Variants in TMEM178B observed in about 807,000 individuals in gnomAD.
TMEM178B encodes the protein transmembrane protein 178B.
TMEM178B carries 5 observed loss-of-function variants against 31.0 expected under a neutral mutation model. The observed-to-expected ratio is 0.16, with a 90% CI of 0.08 to 0.34. The LOEUF is 0.34. Ranked by LOEUF, TMEM178B falls within the 10% of genes least tolerant of loss-of-function variation. The probability of loss-of-function intolerance (pLI) is 1.00; values close to 1 mark genes in which losing one functional copy is unlikely to be tolerated. For synonymous variants in TMEM178B, 164 were observed against 164.0 expected, an observed-to-expected ratio of 1.00 and a Z score of 0.00; for missense variants, 275 against 400.3, an observed-to-expected ratio of 0.69 and a Z score of 2.67.
rs188625925 is a variant in TMEM178B at position 141,457,176 on chromosome 7, G to A, written c.635-13360G>A. On this transcript the variant is annotated intron_variant, in intron 3 of 3. Transcript: ENST00000565468. ...GGATTGTTTTTTTAATGAAAGCAGT[G>A]GAAGCAAGTGGAATGGATGGTTCTC... Among the ~76,000 whole-genome samples the A allele has an allele frequency of 2.5e-4, 38 of 152,212 alleles. No individual in the cohort carries two copies. The South Asian group carries it at 3.7e-3, about 15-fold the overall frequency.
intron 2 of TMEM178B, among the ~76,000 whole-genome samples, chr7:141,334,142 T>C (rs1799343109): frequency 6.6e-6 from 1 of 152,256 alleles, no homozygotes; most frequent in Non-Finnish European, 1.5e-5. Flanking sequence ...AACCCTGGGA[T>C]AGAAACCAGT....
At chr7:141,335,317 C>T (rs1252473954) in intron 2 of TMEM178B, among the ~76,000 whole-genome samples, 1 of 152,226 alleles carries the variant, frequency 6.6e-6, no homozygotes, top group Non-Finnish European at 1.5e-5. Context: ...ACCCTCTTCT[C>T]CTGCCACCAG....
chr7:141,401,869 G>T (rs181554816), intron 2 of TMEM178B, among the ~76,000 whole-genome samples: 1 of 152,030 alleles, frequency 6.6e-6, no homozygotes, highest in Non-Finnish European at 1.5e-5. Context: ...AGCAAAAATC[G>T]AACCAACGTG....
chr7:141,376,920 A>C (rs1386695574), intron 2 of TMEM178B, among the ~76,000 whole-genome samples: 1 of 152,204 alleles, frequency 6.6e-6, no homozygotes, highest in Non-Finnish European at 1.5e-5. Context: ...AAAATGTACT[A>C]AAATGGAAAA....
intron 3 of TMEM178B, among the ~76,000 whole-genome samples, chr7:141,440,989 A>G (rs1398408737): frequency 2.6e-5 from 4 of 152,202 alleles, no homozygotes; most frequent in Non-Finnish European, 4.4e-5. Flanking sequence ...TGGTCCCTCG[A>G]AGTGTGGTCT....
intron 2 of TMEM178B, among the ~76,000 whole-genome samples, chr7:141,283,001 G>T (rs1352062341): frequency 6.6e-6 from 1 of 152,142 alleles, no homozygotes; most frequent in Non-Finnish European, 1.5e-5. Context: ...AAAAGTAATT[G>T]TACCAACCTA....
intron 1 of TMEM178B, among the ~76,000 whole-genome samples, chr7:141,139,357 T>A (rs1038407091): frequency 2.0e-5 from 3 of 151,552 alleles, no homozygotes; most frequent in Non-Finnish European, 4.4e-5. Context: ...CCATTCACTT[T>A]AAAAAATTTT....
Position 141,372,143 on chromosome 7 carries a change from C to G in TMEM178B, c.497-65465C>G, listed in dbSNP as rs191907527. On this transcript the variant is annotated intron_variant, in intron 2 of 3. Coordinates refer to ENST00000565468, the MANE Select transcript of TMEM178B (RefSeq NM_001195278.2). ...TCACTCTAGTCTGACTCTCACCACT[C>G]CCTCACAAAATCTACCCTTGGCCAA... Among the ~76,000 whole-genome samples the G allele has an allele frequency of 3.4e-3, 512 of 152,260 alleles. 6 individuals carry two copies. The highest frequency in any genetic ancestry group is 0.017 in the South Asian group (84 of 4,822).
At chr7:141,138,772 G>A (rs1452702426) in intron 1 of TMEM178B, among the ~76,000 whole-genome samples, 3 of 151,884 alleles carry the variant, frequency 2.0e-5, no homozygotes, top group African/African-American at 7.3e-5. Flanking sequence ...CACGAGGTCA[G>A]GAGACCGAGA....
chr7:141,101,692 C>T (rs1180783516), intron 1 of TMEM178B, among the ~76,000 whole-genome samples: 1 of 152,184 alleles, frequency 6.6e-6, no homozygotes, highest in Admixed American at 6.5e-5. Flanking sequence ...TATTGTGGTA[C>T]AGTCAACTCC....
At chr7:141,437,034 C>A (rs1801557653) in intron 2 of TMEM178B, among the ~76,000 whole-genome samples, 1 of 152,158 alleles carries the variant, frequency 6.6e-6, no homozygotes, top group Admixed American at 6.5e-5. Context: ...GTTGAAGGAA[C>A]AGAACACCAG....
chr7:141,490,855 T>A, the TMEM178B span, among the ~76,000 whole-genome samples: 5 of 152,138 alleles, frequency 3.3e-5, no homozygotes, highest in African/African-American at 1.2e-4. Flanking sequence ...TTTAATTCAC[T>A]CCTCACCATG....
At chr7:141,091,562 C>T (rs915235585) in intron 1 of TMEM178B, among the ~76,000 whole-genome samples, 3 of 152,024 alleles carry the variant, frequency 2.0e-5, no homozygotes, top group Non-Finnish European at 4.4e-5. Context: ...CAATAAGCTG[C>T]TAAAAAGGGA....
At chr7:141,259,330 T>A (rs940597256) in intron 2 of TMEM178B, among the ~76,000 whole-genome samples, 4 of 152,192 alleles carry the variant, frequency 2.6e-5, no homozygotes, top group African/African-American at 7.2e-5. Context: ...ATTTGATGAG[T>A]CATTGTCATA....
Position 141,461,725 on chromosome 7 carries a change from A to G in TMEM178B, c.635-8811A>G, listed in dbSNP as rs1416288363. The stretch of plus-strand genomic sequence containing the variant: ...CTAGCCTCCCCTTTCTGTGTAGGCT[A>G]ATCCAGCAACAAGCACACAGGAAGC... On this transcript the variant is annotated intron_variant, in intron 3 of 3. Coordinates refer to ENST00000565468, the MANE Select transcript of TMEM178B (RefSeq NM_001195278.2). This position sits in a 1 kb window ranked among gnomAD's most constrained non-coding sequence, Gnocchi z 4.0. Among the ~76,000 whole-genome samples the G allele has an allele frequency of 6.6e-6, 1 of 152,214 alleles. No homozygotes were observed. The highest frequency in any genetic ancestry group is 1.5e-5 in the Non-Finnish European group (1 of 68,032).
intron 3 of TMEM178B, among the ~76,000 whole-genome samples, chr7:141,440,198 G>C (rs1179258432): frequency 1.3e-5 from 2 of 152,220 alleles, no homozygotes; most frequent in Non-Finnish European, 2.9e-5. Flanking sequence ...AAAGCACAGG[G>C]CTCTGGGGAA....
intron 2 of TMEM178B, among the ~76,000 whole-genome samples, chr7:141,404,318 A>AAAAC (rs550387001): frequency 9.8e-5 from 15 of 152,296 alleles, no homozygotes; most frequent in Admixed American, 6.5e-4. Context: ...AACAAAAACA[A>AAAAC]AAACAAACAA....
intron 2 of TMEM178B, among the ~76,000 whole-genome samples, chr7:141,233,144 G>A: frequency 1.3e-5 from 2 of 152,336 alleles, no homozygotes; most frequent in Middle Eastern, 6.8e-3. Flanking sequence ...AGTCTCTCCT[G>A]TGAACACTGC....
At chr7:141,168,067 T>C (rs2129182435) in intron 1 of TMEM178B, among the ~76,000 whole-genome samples, 1 of 152,314 alleles carries the variant, frequency 6.6e-6, no homozygotes, top group South Asian at 2.1e-4. Flanking sequence ...TTTCTTAACA[T>C]GTTTGATTTT....
Sources: gnomAD v4.1 joint callset for allele counts (sites outside exome capture counted in the v4.1 genomes callset) on GRCh38, gnomAD v4.1.1 for gene constraint, Gnocchi (gnomAD v3.1) non-coding constraint, MANE v1.5 for transcripts, NCBI Gene and HGNC (gene_info 2026-07-23, HGNC 2026-07-21) for gene names.